Variants in ERI1 observed in about 807,000 individuals in gnomAD.
The protein encoded by ERI1 is 3'-5' exoribonuclease 1.
Under a neutral mutation model 39.7 loss-of-function variants are expected in ERI1, and 39 were observed. The ratio of observed to expected loss-of-function variants is 0.98; its 90% CI spans 0.76 to 1.28. The LOEUF (loss-of-function observed/expected upper bound fraction) is 1.28. ERI1 is among the 50% of genes most tolerant of loss of function. The pLI is 0.00. For missense variants in ERI1, 581 were observed against 416.9 expected, an observed-to-expected ratio of 1.39 and a Z score of -3.43; for synonymous variants, 204 against 149.6, an observed-to-expected ratio of 1.36 and a Z score of -2.65.
chr8:9,035,395 T>G (rs945827892), downstream of ERI1, among the ~76,000 whole-genome samples: 3 of 152,256 alleles, frequency 2.0e-5, no homozygotes, highest in African/African-American at 7.2e-5. Context: ...CTGGTTTAAG[T>G]TGAAGTCAGT....
chr8:9,032,518 T>C lies in ERI1; in HGVS notation c.*2484T>C. 6.6e-6 allele frequency: 1 copy of C among 152,224 alleles called. No homozygotes were observed. Among genetic ancestry groups the C allele is most frequent in the East Asian group, 1.9e-4 (1 of 5,200 alleles). 9.4% of individuals were successfully genotyped at this position (152,224 alleles called of 1,614,324 possible). On this transcript the variant is annotated 3_prime_UTR_variant, in exon 7 of 7. Coordinates refer to ENST00000250263, the MANE Select transcript of ERI1 (RefSeq NM_153332.4). The stretch of plus-strand genomic sequence containing the variant: ...GTTTTTGTGATGTGTCTTTGTTGCC[T>C]TGAGATAGATCCATTTATCCTGCCT...
intron 3 of ERI1, among the ~76,000 whole-genome samples, chr8:9,081,765 G>T (rs1799379358): frequency 6.6e-6 from 1 of 151,596 alleles, no homozygotes; most frequent in African/African-American, 2.4e-5. Flanking sequence ...AAGAAAGAAG[G>T]GGGAAGAAAG....
chr8:9,032,177 T>C lies in ERI1; in HGVS notation c.*2143T>C, dbSNP rs993495288. ...CTGCTTTTTACTCTGACTTTTATTGTGTTGTCTTTGAAAGACAAATAGTAC... is the reference window on the plus strand; with the variant it reads ...CTGCTTTTTACTCTGACTTTTATTGCGTTGTCTTTGAAAGACAAATAGTAC... On this transcript the variant is annotated 3_prime_UTR_variant, in exon 7 of 7. Transcript: ENST00000250263. The C allele has an allele frequency of 1.3e-5, 2 of 152,242 alleles. No homozygotes were observed. The highest frequency in any genetic ancestry group is 2.9e-5 in the Non-Finnish European group (2 of 68,048). The allele number at this position is 152,242 out of a possible 1,614,324, so 9.4% of individuals were successfully genotyped here. A position where few individuals can be genotyped will look rare whatever the true frequency, so the allele number is the denominator to read the frequency against.
intron 3 of ERI1, among the ~76,000 whole-genome samples, chr8:9,056,139 G>A (rs1054719516): frequency 2.6e-5 from 4 of 152,232 alleles, no homozygotes; most frequent in Non-Finnish European, 4.4e-5. Context: ...AGGAGACATC[G>A]TGAAGAAGAG....
At chr8:9,083,914 C>G (rs1456428902) in intron 3 of ERI1, among the ~76,000 whole-genome samples, 5 of 152,124 alleles carry the variant, frequency 3.3e-5, no homozygotes, top group South Asian at 4.1e-4. Flanking sequence ...CAGCCTCAGC[C>G]TCCTGAGTAG....
intron 3 of ERI1, among the ~76,000 whole-genome samples, chr8:9,055,111 A>G (rs1009325998): frequency 6.6e-6 from 1 of 152,224 alleles, no homozygotes; most frequent in Non-Finnish European, 1.5e-5. Context: ...ATGCCAGCAC[A>G]GCCCCGTGGT....
At chr8:9,070,811 G>A (rs780261064) in intron 3 of ERI1, among the ~76,000 whole-genome samples, 12 of 152,334 alleles carry the variant, frequency 7.9e-5, no homozygotes, top group Non-Finnish European at 1.5e-4. Flanking sequence ...CATGAACCAC[G>A]TTTGTAACTT....
chr8:9,022,901 CATT>C (rs1336377221), intron 6 of ERI1, among the ~76,000 whole-genome samples: 19 of 152,130 alleles, frequency 1.2e-4, no homozygotes, highest in Non-Finnish European at 2.5e-4. Context: ...AGAAGTCAGA[CATT>C]ATGTTATCTG....
intron 1 of ERI1, chr8:9,004,301 G>C: frequency 8.9e-7 from 1 of 1,127,002 alleles, no homozygotes; most frequent in South Asian, 1.9e-5. Context: ...CATCCTGTAA[G>C]TGGGTTTTAA....
rs190139454 is a variant in ERI1 at position 9,073,877 on chromosome 8, A to C, written n.300-42471A>C. 1.1e-3 allele frequency among the ~76,000 whole-genome samples: 166 copies of C among 152,226 alleles called. 1 individual carries two copies. Among genetic ancestry groups the C allele is most frequent in the African/African-American group, 3.8e-3 (157 of 41,536 alleles). ...ACAACTAGCTTCTTAAAAAAGTCAA[A>C]CCCTATAAAATACCTTATAAAAGAC... is the stretch of plus-strand genomic sequence containing the variant. On this transcript the variant is annotated intron_variant and non_coding_transcript_variant, in intron 3 of 3. Coordinates refer to the ERI1 transcript ENST00000518663.
intron 3 of ERI1, among the ~76,000 whole-genome samples, chr8:9,091,723 G>A (rs17703679): frequency 0.024 from 3,632 of 152,212 alleles, 53 homozygotes; most frequent in Non-Finnish European, 0.032. Flanking sequence ...CATCTGTCTG[G>A]TTAGCATATG....
chr8:9,027,135 T>TGGTGTGTG (rs1341698560), intron 6 of ERI1, among the ~76,000 whole-genome samples: 1 of 98,598 alleles, frequency 1.0e-5, no homozygotes, highest in Non-Finnish European at 2.3e-5. Context: ...TGTTATTTTC[T>TGGTGTGTG]GGTGTGTGTG....
intron 1 of ERI1, among the ~76,000 whole-genome samples, chr8:9,003,539 C>G (rs976416269): frequency 7.2e-5 from 11 of 152,180 alleles, no homozygotes; most frequent in Non-Finnish European, 1.2e-4. Context: ...ACCATATACG[C>G]TAGGTATGTC....
chr8:9,008,752 G>A (rs1816323711), intron 2 of ERI1, among the ~76,000 whole-genome samples: 1 of 152,056 alleles, frequency 6.6e-6, no homozygotes, highest in African/African-American at 2.4e-5. Context: ...TTGGGCCATG[G>A]GGCAGAAATG....
chr8:9,081,292 G>A (rs1799357980), intron 3 of ERI1, among the ~76,000 whole-genome samples: 1 of 152,178 alleles, frequency 6.6e-6, no homozygotes, highest in African/African-American at 2.4e-5. Flanking sequence ...AATATCACTG[G>A]AGATTCTTTC....
intron 3 of ERI1, 62 bp downstream of exon 3, chr8:9,011,814 T>A: frequency 7.9e-7 from 1 of 1,258,634 alleles, no homozygotes; most frequent in Non-Finnish European, 1.1e-6. Flanking sequence ...GTTTACTGGT[T>A]ATGTGGAGGA....
intron 3 of ERI1, among the ~76,000 whole-genome samples, chr8:9,081,994 C>A (rs1006204608): frequency 6.6e-6 from 1 of 152,174 alleles, no homozygotes; most frequent in African/African-American, 2.4e-5. Context: ...CATCTTAGTC[C>A]ATCTGGACCC....
In ERI1 at chr8:9,016,349, C is replaced by G; in HGVS notation, c.526C>G (p.Pro176Ala). 6.2e-7 allele frequency: 1 copy of G among 1,606,526 alleles called. No homozygotes were observed. The highest frequency in any genetic ancestry group is 8.5e-7 in the Non-Finnish European group (1 of 1,176,212). Reference protein sequence around the residue: ...IEDTFQQYVRPEINTQLSDFC... With the variant: ...IEDTFQQYVRAEINTQLSDFC... ...AGACACGTTTCAGCAGTATGTAAGACCAGAGATTAACACACAGCTGTCTGA... is the reference window on the plus strand; with the variant it reads ...AGACACGTTTCAGCAGTATGTAAGAGCAGAGATTAACACACAGCTGTCTGA... Residue 176 changes from proline (P) to alanine (A), a missense_variant, in exon 4 of 7, where the codon CCA (proline) becomes GCA (alanine). Pro to Ala is a conservative substitution (Grantham distance 27, BLOSUM62 -1). Coordinates refer to ENST00000250263, the MANE Select transcript of ERI1 (RefSeq NM_153332.4).
At chr8:9,007,684 T>C (rs1158654419) in intron 1 of ERI1, among the ~76,000 whole-genome samples, 1 of 152,188 alleles carries the variant, frequency 6.6e-6, no homozygotes, top group Non-Finnish European at 1.5e-5. Flanking sequence ...CAGCTGGGGT[T>C]CTCTATTGAG....
Sources: allele counts gnomAD v4.1 joint callset (sites outside exome capture counted in the v4.1 genomes callset), GRCh38; gene constraint gnomAD v4.1.1; transcripts MANE v1.5; gene names NCBI Gene and HGNC (gene_info 2026-07-23, HGNC 2026-07-21).